The following SAMD4A variants were observed in gnomAD, a reference collection of about 807,000 sequenced individuals.
The protein encoded by SAMD4A is protein Smaug homolog 1.
Under a neutral mutation model 81.3 loss-of-function variants are expected in SAMD4A, and 33 were observed. That is an observed-to-expected ratio of 0.41 (90% CI 0.31 to 0.54). The LOEUF (loss-of-function observed/expected upper bound fraction) is 0.54. Among genes scored for constraint, SAMD4A ranks in the 20% least tolerant of loss-of-function variants. The pLI, the probability that SAMD4A is intolerant of heterozygous loss-of-function variation, is 0.37. For synonymous variants in SAMD4A, 389 were observed against 382.1 expected (o/e 1.02, Z -0.21); for missense variants, 854 against 951.1 (o/e 0.90, Z 1.34).
chr14:54,578,037 G>T (rs747916927), intron 2 of SAMD4A, among the ~76,000 whole-genome samples: 4 of 152,154 alleles, frequency 2.6e-5, no homozygotes, highest in African/African-American at 9.7e-5. Flanking sequence ...TAATCCTTTC[G>T]AGTAAGACTG....
chr14:54,672,653 A>C (rs936993166), intron 2 of SAMD4A, among the ~76,000 whole-genome samples: 2 of 152,226 alleles, frequency 1.3e-5, no homozygotes, highest in African/African-American at 2.4e-5. Context: ...AGACAAGAAT[A>C]GTATTATTTT....
Position 54,567,948 on chromosome 14 carries a change from C to T in SAMD4A, c.32C>T (p.Ala11Val). ...TTTCGCGACCAGGTCGGGGTGCTGG[C>T]GGGCTGGTTTAAGGGCTGGAACGAG... MMFRDQVGVL[A>V]GWFKGWNECE... The change falls in exon 2 of 13, where the codon GCG (alanine) becomes GTG (valine). Residue 11 changes from alanine (A) to valine (V), a missense_variant. By Grantham distance (64) the Ala-to-Val change is moderately conservative. This residue lies in a region of SAMD4A where 387 missense variants were observed against 405.8 expected (regional missense o/e 0.95). Coordinates refer to ENST00000554335, the MANE Select transcript of SAMD4A (RefSeq NM_015589.6). 6.2e-7 allele frequency: 1 copy of T among 1,609,670 alleles called. No individual in the cohort carries two copies.
chr14:54,640,271 T>C (rs2035144145), intron 2 of SAMD4A, among the ~76,000 whole-genome samples: 1 of 152,250 alleles, frequency 6.6e-6, no homozygotes, highest in Non-Finnish European at 1.5e-5. Context: ...GAGATTTTTA[T>C]GTTTTACTCT....
intron 2 of SAMD4A, among the ~76,000 whole-genome samples, chr14:54,577,632 C>T (rs1381163904): frequency 6.6e-6 from 1 of 152,176 alleles, no homozygotes; most frequent in Non-Finnish European, 1.5e-5. Flanking sequence ...TGTGGTTGCG[C>T]CCAAAGCCAC....
chr14:54,572,858 A>G (rs1250627098), intron 2 of SAMD4A, among the ~76,000 whole-genome samples: 1 of 152,212 alleles, frequency 6.6e-6, no homozygotes, highest in Non-Finnish European at 1.5e-5. Context: ...ATTTTTCTAA[A>G]TGATCAGAAA....
At chr14:54,763,567 G>A (rs2038460601) in intron 7 of SAMD4A, among the ~76,000 whole-genome samples, 1 of 152,162 alleles carries the variant, frequency 6.6e-6, no homozygotes, top group Non-Finnish European at 1.5e-5. Flanking sequence ...GCAAAGGCAA[G>A]AAATAAATGG....
At chr14:54,761,189 A>G (rs2038388817) in intron 7 of SAMD4A, among the ~76,000 whole-genome samples, 1 of 152,200 alleles carries the variant, frequency 6.6e-6, no homozygotes, top group Non-Finnish European at 1.5e-5. Context: ...TATAGAGCTT[A>G]CTTAATTCCC....
At position 54,662,518 on chromosome 14, in the gene SAMD4A, T is replaced by G. The variant is rs150750471; in HGVS notation, c.197-39544T>G. ...TCCACCTCCCAGGTTCAAGCGATTC[T>G]CATGCCTCAGCCTCCCAAGTAACTG... On this transcript the variant is annotated intron_variant, in intron 2 of 12. Transcript: ENST00000554335. Among the ~76,000 whole-genome samples, 306 of 151,696 alleles carry G rather than the reference T, an allele frequency of 2.0e-3. 1 individual carries two copies. Among genetic ancestry groups the G allele is most frequent in the Non-Finnish European group, 3.8e-3 (256 of 67,908 alleles).
chr14:54,768,630 C>G (rs2038620650), intron 8 of SAMD4A, among the ~76,000 whole-genome samples: 1 of 152,230 alleles, frequency 6.6e-6, no homozygotes, highest in South Asian at 2.1e-4. Flanking sequence ...AGCAGAAACG[C>G]TTGCCTTTTG....
chr14:54,774,859 C>A, intron 9 of SAMD4A, 75 bp from the exon 10 acceptor site: 1 of 1,410,986 alleles, frequency 7.1e-7, no homozygotes, highest in Non-Finnish European at 1.0e-6. Flanking sequence ...AAGGCGACAT[C>A]CCTTGGGAAG....
At chr14:54,616,934 A>C (rs1167526106) in intron 2 of SAMD4A, among the ~76,000 whole-genome samples, 1 of 152,216 alleles carries the variant, frequency 6.6e-6, no homozygotes, top group Non-Finnish European at 1.5e-5. Context: ...AATATGACCT[A>C]GTGAAAGCTG....
intron 2 of SAMD4A, among the ~76,000 whole-genome samples, chr14:54,682,692 C>T (rs148026804): frequency 1.1e-3 from 175 of 152,294 alleles, no homozygotes; most frequent in Middle Eastern, 6.8e-3. Context: ...CTGACTATGG[C>T]TGTGTCCTCA....
rs74721842 is a variant in SAMD4A at position 54,569,784 on chromosome 14, A to G, written c.196+1672A>G. On this transcript the variant is annotated intron_variant, in intron 2 of 12. Transcript: ENST00000554335. ...TCATTTAGGTTGAATGCTTGATTTC[A>G]GTGCTGGTAGGGACTGTTCAAACTC... is the stretch of plus-strand genomic sequence containing the variant. Among the ~76,000 whole-genome samples, 754 of 152,330 alleles carry G rather than the reference A, an allele frequency of 4.9e-3. 4 individuals are homozygous for G. The highest frequency in any genetic ancestry group is 0.017 in the African/African-American group (716 of 41,572).
intron 8 of SAMD4A, among the ~76,000 whole-genome samples, chr14:54,768,942 G>T (rs1039335834): frequency 2.6e-5 from 4 of 152,118 alleles, no homozygotes; most frequent in African/African-American, 4.8e-5. Flanking sequence ...TAAGGAATCT[G>T]TTTCCTTTAT....
chr14:54,670,159 C>T (rs2035849068), intron 2 of SAMD4A, among the ~76,000 whole-genome samples: 1 of 152,186 alleles, frequency 6.6e-6, no homozygotes, highest in African/African-American at 2.4e-5. Context: ...GCAAGTCTGT[C>T]TGGCCCCATC....
intron 2 of SAMD4A, 49 bp downstream of exon 2, chr14:54,568,161 T>C (rs3742558): frequency 0.3 from 404,353 of 1,341,366 alleles, 64,076 homozygotes; most frequent in African/African-American, 0.56. Flanking sequence ...CAACCCCCGC[T>C]CCTCCCTCCG....
At chr14:54,586,028 T>G (rs1291958801) in intron 2 of SAMD4A, among the ~76,000 whole-genome samples, 1 of 152,182 alleles carries the variant, frequency 6.6e-6, no homozygotes, top group East Asian at 1.9e-4. Context: ...TTTTTCATAG[T>G]GATTGTACTA....
intron 4 of SAMD4A, among the ~76,000 whole-genome samples, chr14:54,738,043 C>T (rs61977002): frequency 3.3e-5 from 5 of 152,070 alleles, no homozygotes; most frequent in African/African-American, 1.2e-4. Flanking sequence ...TTTTAGACTC[C>T]ACTTGTACAA....
At position 54,702,107 on chromosome 14, in the gene SAMD4A, C is replaced by T. The variant is rs1373960329; in HGVS notation, c.242C>T (p.Ser81Phe). 14 of 1,614,024 alleles carry T rather than the reference C, an allele frequency of 8.7e-6. No homozygotes were observed. The Admixed American group carries it at 2.2e-4, about 25-fold the overall frequency. Residue 81 changes from serine (S) to phenylalanine (F), a missense_variant, in exon 3 of 13, where the codon TCC becomes TTC. Ser to Phe is a radical substitution (Grantham distance 155). This residue lies in a region of SAMD4A where 387 missense variants were observed against 405.8 expected (regional missense o/e 0.95). Coordinates refer to ENST00000554335, the MANE Select transcript of SAMD4A (RefSeq NM_015589.6). ...WQQESKDKVI[S>F]LLLTHLPLLK... ...CAGGAATCCAAGGATAAAGTGATTT[C>T]CCTCCTGTTAACTCATCTGCCTTTG... is the stretch of plus-strand genomic sequence containing the variant.
Sources: allele counts gnomAD v4.1 joint callset (sites outside exome capture counted in the v4.1 genomes callset), GRCh38; gene constraint gnomAD v4.1.1; regional missense constraint gnomAD v4.1.1; transcripts MANE v1.5; gene names NCBI Gene and HGNC (gene_info 2026-07-23, HGNC 2026-07-21).